Variants in ADRA1A observed in about 807,000 individuals in gnomAD.
ADRA1A encodes alpha-1A adrenergic receptor.
A neutral mutation model predicts 29.6 loss-of-function variants in ADRA1A; 31 were observed. The observed-to-expected ratio is 1.05, with a 90% CI of 0.79 to 1.41. The LOEUF (loss-of-function observed/expected upper bound fraction) is 1.41. ADRA1A is among the 40% of genes most tolerant of loss of function. The pLI is 0.00. For missense variants in ADRA1A, 619 were observed against 601.1 expected (o/e 1.03, Z -0.31); for synonymous variants, 311 against 254.3 (o/e 1.22, Z -2.12).
intron 2 of ADRA1A, among the ~76,000 whole-genome samples, chr8:26,757,859 G>GCATGCACACACA (rs1554489124): frequency 6.6e-6 from 1 of 151,294 alleles, no homozygotes; most frequent in African/African-American, 2.4e-5. Flanking sequence ...ATAAGCACAC[G>GCATGCACACACA]CACACACACA....
Position 26,787,219 on chromosome 8 carries a change from T to A in ADRA1A, c.884-16553A>T, listed in dbSNP as rs1167740674. Among the ~76,000 whole-genome samples, 1 of 152,178 alleles carries A rather than the reference T, an allele frequency of 6.6e-6. No homozygotes were observed. Among genetic ancestry groups the A allele is most frequent in the Non-Finnish European group, 1.5e-5 (1 of 68,028 alleles). On this transcript the variant is annotated intron_variant, in intron 2 of 2. Coordinates refer to ENST00000380573, the MANE Select transcript of ADRA1A (RefSeq NM_000680.4). The surrounding 1 kb of genome is among the most constrained non-coding windows in gnomAD (Gnocchi z 4.2). ...ATAGTGAAAATAGTGCACAGAGCCATAGTACTTGAAGTTCAAAACAAAGAC... is the reference window on the plus strand; with the variant it reads ...ATAGTGAAAATAGTGCACAGAGCCAAAGTACTTGAAGTTCAAAACAAAGAC...
At chr8:26,752,756 G>A (rs1382061696), downstream of ADRA1A, among the ~76,000 whole-genome samples, 1 of 152,126 alleles carries the variant, frequency 6.6e-6, no homozygotes, top group Non-Finnish European at 1.5e-5. Context: ...TCAGCTTTGT[G>A]GATAGTCAAA....
downstream of ADRA1A, among the ~76,000 whole-genome samples, chr8:26,752,952 A>T (rs1257057927): frequency 6.6e-6 from 1 of 152,176 alleles, no homozygotes; most frequent in Non-Finnish European, 1.5e-5. Flanking sequence ...GGAAATGAGG[A>T]TTTGGAGATG....
intron 2 of ADRA1A, among the ~76,000 whole-genome samples, chr8:26,861,170 C>T (rs1450157096): frequency 7.2e-5 from 11 of 152,126 alleles, no homozygotes; most frequent in Admixed American, 7.2e-4. Context: ...ATTACTCCTG[C>T]CTTCTTGAAA....
rs1339961217 is a variant in ADRA1A at position 26,866,974 on chromosome 8, G to A, written c.-725C>T. Reference sequence around the variant, plus strand: ...GCTGAGCCACCAGCTCGCGCGCGGGGGATGTGGACCCGGCTTCGGTCCCGG... The same window carrying A: ...GCTGAGCCACCAGCTCGCGCGCGGGAGATGTGGACCCGGCTTCGGTCCCGG... On this transcript the variant is annotated 5_prime_UTR_variant, in exon 1 of 3. Coordinates refer to ENST00000380573, the MANE Select transcript of ADRA1A (RefSeq NM_000680.4). The surrounding 1 kb of genome is among the most constrained non-coding windows in gnomAD (Gnocchi z 5.7). 1.0e-6 allele frequency: 1 copy of A among 984,576 alleles called. No individual in the cohort carries two copies. Among genetic ancestry groups the A allele is most frequent in the African/African-American group, 1.8e-5 (1 of 57,016 alleles). 61.0% of individuals were successfully genotyped at this position (984,576 alleles called of 1,614,324 possible). A position where few individuals can be genotyped will look rare whatever the true frequency, so the allele number is the denominator to read the frequency against.
At position 26,770,651 on chromosome 8, in the gene ADRA1A, T is replaced by A; in HGVS notation, c.899A>T (p.Asp300Val). 1 of 1,611,304 alleles carries A rather than the reference T, an allele frequency of 6.2e-7. No individual in the cohort carries two copies. The change falls in exon 3 of 3, where the codon GAT becomes GTT. Residue 300 changes from aspartate to valine, a missense_variant. Physicochemically the swap from Asp to Val is radical, Grantham distance 152. Coordinates refer to ENST00000380573, the MANE Select transcript of ADRA1A (RefSeq NM_000680.4). Reference sequence around the variant, plus strand: ...AAAAACTGTTTCAGAGGGCTTGAAATCAGGGAAGAAAGACCCTGGAAGAAA... The same window carrying A: ...AAAAACTGTTTCAGAGGGCTTGAAAACAGGGAAGAAAGACCCTGGAAGAAA... Reference protein sequence around the residue: ...LVMPIGSFFPDFKPSETVFKI... With the variant: ...LVMPIGSFFPVFKPSETVFKI...
Position 26,866,230 on chromosome 8 carries a change from C to A in ADRA1A, c.-686-575G>T, listed in dbSNP as rs1336567701. Among the ~76,000 whole-genome samples, 1 of 152,174 alleles carries A rather than the reference C, an allele frequency of 6.6e-6. No individual in the cohort carries two copies. Among genetic ancestry groups the A allele is most frequent in the African/African-American group, 2.4e-5 (1 of 41,462 alleles). On this transcript the variant is annotated intron_variant, in intron 1 of 2. Coordinates refer to ENST00000380573, the MANE Select transcript of ADRA1A (RefSeq NM_000680.4). The surrounding 1 kb of genome is among the most constrained non-coding windows in gnomAD (Gnocchi z 5.7). ...CGCACCGGTCTGTCCACCAGCCAAG[C>A]TGGCTTGAGAGCCAGGTCCCGAGCG...
In ADRA1A at chr8:26,769,963, G is replaced by T; in HGVS notation, c.*186C>A. 1 of 1,389,160 alleles carries T rather than the reference G, an allele frequency of 7.2e-7. No homozygotes were observed. Among genetic ancestry groups the T allele is most frequent in the East Asian group, 2.5e-5 (1 of 40,734 alleles). The allele number at this position is 1,389,160 out of a possible 1,614,324, so 86.1% of individuals were successfully genotyped here. On this transcript the variant is annotated 3_prime_UTR_variant, in exon 3 of 3. Coordinates refer to ENST00000380573, the MANE Select transcript of ADRA1A (RefSeq NM_000680.4). ...GTATCATTCTGAACTGGTTGGTTGTGAGACACCCTCCCTCTTCCCTGTGCC... is the reference window on the plus strand; with the variant it reads ...GTATCATTCTGAACTGGTTGGTTGTTAGACACCCTCCCTCTTCCCTGTGCC...
intron 2 of ADRA1A, among the ~76,000 whole-genome samples, chr8:26,797,536 TG>T (rs1358287761): frequency 6.6e-6 from 1 of 152,116 alleles, no homozygotes; most frequent in African/African-American, 2.4e-5. Context: ...TGAACTCAAG[TG>T]ATCCTCCAGC....
At chr8:26,809,612 C>G (rs1809244532) in intron 2 of ADRA1A, among the ~76,000 whole-genome samples, 1 of 152,192 alleles carries the variant, frequency 6.6e-6, no homozygotes, top group Non-Finnish European at 1.5e-5. Context: ...TATAAAAGCA[C>G]AAAATCTTAT....
intron 2 of ADRA1A, among the ~76,000 whole-genome samples, chr8:26,777,863 C>A (rs1349362761): frequency 6.6e-6 from 1 of 152,202 alleles, no homozygotes; most frequent in East Asian, 1.9e-4. Flanking sequence ...GGGGCCTGCC[C>A]AGTGTGGGAT....
intron 2 of ADRA1A, chr8:26,779,443 A>G: frequency 1.4e-6 from 1 of 701,620 alleles, no homozygotes. Flanking sequence ...GTAAAAGTAA[A>G]GACTTAGAAC....
rs184303461 is a variant in ADRA1A, at chr8:26,793,086, C to T, written c.884-22420G>A. Among the ~76,000 whole-genome samples the T allele has an allele frequency of 2.7e-3, 415 of 151,880 alleles. 8 individuals are homozygous for T. The highest frequency in any genetic ancestry group is 0.023 in the Admixed American group (353 of 15,236). The stretch of plus-strand genomic sequence containing the variant: ...ATATTAGTATTAAACAAAGCAGACT[C>T]CATGACATAAAGCATTTCATGGAAT... On this transcript the variant is annotated intron_variant, in intron 2 of 2. Coordinates refer to ENST00000380573, the MANE Select transcript of ADRA1A (RefSeq NM_000680.4).
At chr8:26,779,404 T>A (rs1434097324) in intron 2 of ADRA1A, 1 of 702,658 alleles carries the variant, frequency 1.4e-6, no homozygotes, top group Non-Finnish European at 2.6e-6. Context: ...GAGTCATTTT[T>A]TCCTTCTTGG....
intron 2 of ADRA1A, among the ~76,000 whole-genome samples, chr8:26,799,502 C>A (rs905805340): frequency 1.3e-5 from 2 of 152,292 alleles, no homozygotes. Context: ...TCAAATATAC[C>A]CAGTGCCAGC....
At chr8:26,813,161 G>A (rs1436841278) in intron 2 of ADRA1A, among the ~76,000 whole-genome samples, 1 of 152,082 alleles carries the variant, frequency 6.6e-6, no homozygotes, top group Non-Finnish European at 1.5e-5. Context: ...AAGTTTTTCA[G>A]TTACAGTTTC....
At chr8:26,795,279 A>G (rs910344291) in intron 2 of ADRA1A, among the ~76,000 whole-genome samples, 1 of 145,946 alleles carries the variant, frequency 6.9e-6, no homozygotes, top group Non-Finnish European at 1.5e-5. Context: ...CAATGATGAG[A>G]CAATGTGAGA....
intron 2 of ADRA1A, among the ~76,000 whole-genome samples, chr8:26,760,547 C>A (rs1023856998): frequency 1.3e-5 from 2 of 152,198 alleles, no homozygotes; most frequent in African/African-American, 4.8e-5. Flanking sequence ...AGTCATGATA[C>A]AGGGCAGACA....
intron 2 of ADRA1A, among the ~76,000 whole-genome samples, chr8:26,857,748 A>T (rs1275711335): frequency 1.3e-5 from 2 of 152,182 alleles, no homozygotes; most frequent in African/African-American, 4.8e-5. Flanking sequence ...TTTCCATGAG[A>T]ACTAGGGAAC....
Sources: gnomAD v4.1 joint callset for allele counts (sites outside exome capture counted in the v4.1 genomes callset) on GRCh38, gnomAD v4.1.1 for gene constraint, Gnocchi (gnomAD v3.1) non-coding constraint, MANE v1.5 for transcripts, NCBI Gene and HGNC (gene_info 2026-07-23, HGNC 2026-07-21) for gene names.